PPM1E: variants seen among roughly 807,000 people sequenced by gnomAD.
PPM1E encodes the protein protein phosphatase 1E.
Under a neutral mutation model 65.9 loss-of-function variants are expected in PPM1E, and 20 were observed. The ratio of observed to expected loss-of-function variants is 0.30; its 90% CI spans 0.21 to 0.44. The LOEUF is 0.44. Ranked by LOEUF, PPM1E falls within the 20% of genes least tolerant of loss-of-function variation. The probability of loss-of-function intolerance (pLI) is 1.00; values close to 1 mark genes in which losing one functional copy is unlikely to be tolerated. For synonymous variants in PPM1E, 352 were observed against 374.9 expected, an observed-to-expected ratio of 0.94 and a Z score of 0.70; for missense variants, 713 against 953.1, an observed-to-expected ratio of 0.75 and a Z score of 3.32.
chr17:58,807,255 A>G (rs1203320345), intron 1 of PPM1E, among the ~76,000 whole-genome samples: 1 of 152,206 alleles, frequency 6.6e-6, no homozygotes, highest in Non-Finnish European at 1.5e-5. Flanking sequence ...TAGTGAACAT[A>G]CTTGATTGCT....
chr17:58,775,316 T>C (rs890833855), intron 1 of PPM1E, among the ~76,000 whole-genome samples: 4 of 152,076 alleles, frequency 2.6e-5, no homozygotes, highest in Admixed American at 2.6e-4. Context: ...GTAAGGAAAC[T>C]GAGGTATAGG....
At chr17:58,893,124 A>G (rs922521442) in intron 1 of PPM1E, among the ~76,000 whole-genome samples, 16 of 152,192 alleles carry the variant, frequency 1.1e-4, no homozygotes, top group African/African-American at 3.6e-4. Context: ...CAAATGATTT[A>G]AAAACTTATG....
At chr17:58,848,525 G>A (rs1038779977) in intron 1 of PPM1E, among the ~76,000 whole-genome samples, 4 of 152,296 alleles carry the variant, frequency 2.6e-5, no homozygotes, top group Admixed American at 2.0e-4. Context: ...CATCTATTGA[G>A]ATAATCATGT....
intron 1 of PPM1E, among the ~76,000 whole-genome samples, chr17:58,767,522 T>C (rs1567827557): frequency 6.6e-6 from 1 of 152,240 alleles, no homozygotes; most frequent in Non-Finnish European, 1.5e-5. Context: ...ACTTCTTGCC[T>C]TGATTACCTT....
At chr17:58,904,858 A>AC (rs1490352816) in intron 1 of PPM1E, among the ~76,000 whole-genome samples, 1 of 145,080 alleles carries the variant, frequency 6.9e-6, no homozygotes, top group African/African-American at 2.6e-5. Context: ...TAAAAATACA[A>AC]AAAAAAAAAA....
At chr17:58,933,867 C>T (rs1241389973) in intron 1 of PPM1E, among the ~76,000 whole-genome samples, 4 of 149,672 alleles carry the variant, frequency 2.7e-5, no homozygotes, top group Admixed American at 6.6e-5. Context: ...GAGGCCAAGG[C>T]GGGTGGATCA....
chr17:58,878,335 C>T (rs1256055566), intron 1 of PPM1E, among the ~76,000 whole-genome samples: 35 of 151,956 alleles, frequency 2.3e-4, no homozygotes, highest in Non-Finnish European at 5.9e-5. Flanking sequence ...CTCCACCTCC[C>T]GGGTTCAAGG....
chr17:58,918,972 G>T (rs970889885), intron 1 of PPM1E, among the ~76,000 whole-genome samples: 5 of 152,076 alleles, frequency 3.3e-5, no homozygotes, highest in African/African-American at 1.2e-4. Flanking sequence ...CAGTTATGAG[G>T]TCTAAAATTT....
intron 1 of PPM1E, among the ~76,000 whole-genome samples, chr17:58,784,242 C>T (rs540078543): frequency 6.6e-6 from 1 of 151,976 alleles, no homozygotes; most frequent in East Asian, 1.9e-4. Flanking sequence ...AGGCTGGTCT[C>T]GAACTCCTGA....
rs372678280 is a variant in PPM1E at position 58,869,301 on chromosome 17, T to C, written c.465-86348T>C. Among the ~76,000 whole-genome samples the C allele has an allele frequency of 7.2e-4, 110 of 152,342 alleles. 2 individuals are homozygous for C. The South Asian group carries it at 0.022, about 31-fold the overall frequency. Reference sequence around the variant, plus strand: ...TGTGACATCAAAGGCTTGATATAGTTTGGATATTTGTCCTGTCCGAATTTC... The same window carrying C: ...TGTGACATCAAAGGCTTGATATAGTCTGGATATTTGTCCTGTCCGAATTTC... On this transcript the variant is annotated intron_variant, in intron 1 of 6. Transcript: ENST00000308249.
At chr17:58,804,994 A>C (rs1456812662) in intron 1 of PPM1E, among the ~76,000 whole-genome samples, 5 of 152,068 alleles carry the variant, frequency 3.3e-5, no homozygotes, top group Admixed American at 1.3e-4. Context: ...GTACCCATTG[A>C]CCAATCTCTC....
chr17:58,805,967 AAAAAAACAAAAAAAAAACAAAACAAAAC>A (rs1385961962), intron 1 of PPM1E, among the ~76,000 whole-genome samples: 7 of 113,824 alleles, frequency 6.1e-5, no homozygotes, highest in African/African-American at 2.4e-4. Context: ...AAAACAAAAA[AAAAAAACAAAAAAAAAACAAAACAAAAC>A]AAAACAAAAA....
intron 1 of PPM1E, among the ~76,000 whole-genome samples, chr17:58,927,739 T>G (rs1475446232): frequency 1.3e-5 from 2 of 151,662 alleles, no homozygotes; most frequent in Non-Finnish European, 2.9e-5. Context: ...AGAACCTGTC[T>G]CCACAAAACA....
chr17:58,880,641 T>A (rs930693579), intron 1 of PPM1E, among the ~76,000 whole-genome samples: 1 of 148,358 alleles, frequency 6.7e-6, no homozygotes, highest in Non-Finnish European at 1.5e-5. Flanking sequence ...TGTTTTCTTT[T>A]GAGACAGGAT....
At chr17:58,968,139 T>C (rs527610827) in intron 3 of PPM1E, among the ~76,000 whole-genome samples, 1 of 152,212 alleles carries the variant, frequency 6.6e-6, no homozygotes, top group East Asian at 1.9e-4. Flanking sequence ...CCGTCCTTCA[T>C]GTCATTAAAG....
intron 1 of PPM1E, among the ~76,000 whole-genome samples, chr17:58,765,012 G>C (rs1028664154): frequency 2.6e-5 from 4 of 152,126 alleles, no homozygotes; most frequent in African/African-American, 9.6e-5. Flanking sequence ...AGAAAAAGAA[G>C]AAAGTATTCC....
At chr17:58,827,911 A>ATAAT (rs1555612493) in intron 1 of PPM1E, among the ~76,000 whole-genome samples, 91 of 144,700 alleles carry the variant, frequency 6.3e-4, no homozygotes, top group African/African-American at 1.8e-3. Flanking sequence ...CAAAAAAAAA[A>ATAAT]AATAATAATA....
intron 1 of PPM1E, among the ~76,000 whole-genome samples, chr17:58,818,257 T>G (rs933674022): frequency 6.6e-6 from 1 of 152,176 alleles, no homozygotes; most frequent in Non-Finnish European, 1.5e-5. Context: ...TCATTGTCTT[T>G]ATTTAACAAG....
At chr17:58,966,990 T>A (rs909556531) in intron 3 of PPM1E, among the ~76,000 whole-genome samples, 2 of 152,188 alleles carry the variant, frequency 1.3e-5, no homozygotes, top group African/African-American at 4.8e-5. Flanking sequence ...TGATAAACAA[T>A]CCTTATATCA....
Sources: allele counts gnomAD v4.1 joint callset (sites outside exome capture counted in the v4.1 genomes callset), GRCh38; gene constraint gnomAD v4.1.1; transcripts MANE v1.5; gene names NCBI Gene and HGNC (gene_info 2026-07-23, HGNC 2026-07-21).